KAZN: variants seen among roughly 807,000 people sequenced by gnomAD.
KAZN encodes the protein kazrin.
Under a neutral mutation model 87.4 loss-of-function variants are expected in KAZN, and 40 were observed. The ratio of observed to expected loss-of-function variants is 0.46; its 90% CI spans 0.36 to 0.60. The LOEUF (loss-of-function observed/expected upper bound fraction) is 0.60, where lower values mean the gene tolerates loss of function less well. Ranked by LOEUF, KAZN falls within the 20% of genes least tolerant of loss-of-function variation. The pLI is 0.00. For missense variants in KAZN, 898 were observed against 1,073.9 expected (o/e 0.84, Z 2.29); for synonymous variants, 466 against 458.3 (o/e 1.02, Z -0.22).
intron 2 of KAZN, among the ~76,000 whole-genome samples, chr1:14,447,358 C>T (rs1667043287): frequency 1.3e-5 from 2 of 151,678 alleles, no homozygotes; most frequent in African/African-American, 4.8e-5. Flanking sequence ...CCTGCCTCAG[C>T]CTCCCGAGTA....
intron 2 of KAZN, among the ~76,000 whole-genome samples, chr1:14,391,825 TA>T (rs1350970720): frequency 6.6e-6 from 1 of 152,216 alleles, no homozygotes; most frequent in African/African-American, 2.4e-5. Flanking sequence ...TTTCCCTTTT[TA>T]AAAAAATTTT....
At chr1:15,104,813 GGC>G (rs1310233877) in intron 13 of KAZN, among the ~76,000 whole-genome samples, 1 of 152,142 alleles carries the variant, frequency 6.6e-6, no homozygotes, top group Non-Finnish European at 1.5e-5. Flanking sequence ...TCATCCTCCT[GGC>G]AATGTCAAGA....
chr1:14,059,267 C>G (rs1481071942), intron 1 of KAZN, among the ~76,000 whole-genome samples: 1 of 152,206 alleles, frequency 6.6e-6, no homozygotes, highest in Non-Finnish European at 1.5e-5. Context: ...GTGGCTCAGT[C>G]TGAGTCCAAA....
chr1:14,910,982 C>T (rs980450679), intron 1 of KAZN, among the ~76,000 whole-genome samples: 16 of 152,218 alleles, frequency 1.1e-4, no homozygotes, highest in Admixed American at 7.9e-4. Context: ...GACCAAGCTT[C>T]CATCCCGGAG....
At chr1:14,369,212 G>A (rs553973699) in intron 2 of KAZN, among the ~76,000 whole-genome samples, 1 of 152,140 alleles carries the variant, frequency 6.6e-6, no homozygotes, top group Non-Finnish European at 1.5e-5. Context: ...AAATGTTCTC[G>A]ATTTTGTGTG....
chr1:14,851,616 G>A (rs879865382), intron 1 of KAZN, among the ~76,000 whole-genome samples: 1 of 152,172 alleles, frequency 6.6e-6, no homozygotes, highest in Admixed American at 6.5e-5. Context: ...TGAGGCCTTC[G>A]GGGTTACCAT....
At chr1:14,746,587 G>A (rs1288916036) in intron 1 of KAZN, among the ~76,000 whole-genome samples, 3 of 152,102 alleles carry the variant, frequency 2.0e-5, no homozygotes, top group Non-Finnish European at 2.9e-5. Flanking sequence ...AGTATCCAGA[G>A]GCCATTGACA....
At chr1:14,631,810 C>T (rs1430436665) in intron 1 of KAZN, among the ~76,000 whole-genome samples, 1 of 152,142 alleles carries the variant, frequency 6.6e-6, no homozygotes, top group African/African-American at 2.4e-5. Flanking sequence ...GTGAAATGTA[C>T]CTTTGGGGGT....
chr1:14,223,583 A>G (rs1647160302), intron 2 of KAZN, among the ~76,000 whole-genome samples: 3 of 152,032 alleles, frequency 2.0e-5, no homozygotes, highest in African/African-American at 4.8e-5. Context: ...CTTCTTCCTT[A>G]TGTTCTTTAG....
chr1:14,117,134 A>G (rs1272079345), intron 1 of KAZN, among the ~76,000 whole-genome samples: 1 of 152,114 alleles, frequency 6.6e-6, no homozygotes, highest in Non-Finnish European at 1.5e-5. Flanking sequence ...GAGTTAAGAC[A>G]TTGGGGAACT....
chr1:14,373,791 G>A (rs1660692473), intron 2 of KAZN, among the ~76,000 whole-genome samples: 1 of 152,114 alleles, frequency 6.6e-6, no homozygotes, highest in Admixed American at 6.6e-5. Context: ...ATGAAAAGAT[G>A]GCTTCAGATT....
intron 2 of KAZN, among the ~76,000 whole-genome samples, chr1:14,387,046 G>T (rs959261398): frequency 1.3e-5 from 2 of 151,790 alleles, no homozygotes; most frequent in Admixed American, 6.6e-5. Context: ...TTCCCTTCTC[G>T]CTTCATTTCA....
chr1:14,670,266 G>T (rs778437200), intron 1 of KAZN, among the ~76,000 whole-genome samples: 17 of 152,106 alleles, frequency 1.1e-4, no homozygotes, highest in Non-Finnish European at 2.2e-4. Flanking sequence ...CCTCCTGAAG[G>T]CATTTGTGTT....
chr1:14,070,185 A>AAAAAAAAAAAAAAG (rs1570664859), intron 1 of KAZN, among the ~76,000 whole-genome samples: 2 of 149,222 alleles, frequency 1.3e-5, no homozygotes, highest in East Asian at 4.0e-4. Context: ...AAAAAAGTAA[A>AAAAAAAAAAAAAAG]TAAATAAAAT....
chr1:14,472,865 G>A (rs1668528874), intron 2 of KAZN, among the ~76,000 whole-genome samples: 1 of 152,168 alleles, frequency 6.6e-6, no homozygotes, highest in Non-Finnish European at 1.5e-5. Flanking sequence ...TGCTATAGAA[G>A]AGATACAAAG....
chr1:14,191,196 T>C (rs1414807000), intron 2 of KAZN, among the ~76,000 whole-genome samples: 1 of 152,164 alleles, frequency 6.6e-6, no homozygotes, highest in African/African-American at 2.4e-5. Flanking sequence ...ATTTGAAATA[T>C]TACTCTGGAG....
At chr1:14,089,978 T>C (rs1186655350) in intron 1 of KAZN, among the ~76,000 whole-genome samples, 1 of 152,178 alleles carries the variant, frequency 6.6e-6, no homozygotes, top group Non-Finnish European at 1.5e-5. Context: ...AGTTTGTTGA[T>C]AATGTTTTCT....
intron 1 of KAZN, among the ~76,000 whole-genome samples, chr1:14,142,594 G>A (rs957842661): frequency 6.6e-6 from 1 of 152,242 alleles, no homozygotes; most frequent in Non-Finnish European, 1.5e-5. Context: ...AGACTCCTGA[G>A]TGAAGGAAGT....
At chr1:14,488,887 T>C (rs995093009) in intron 2 of KAZN, among the ~76,000 whole-genome samples, 1 of 152,220 alleles carries the variant, frequency 6.6e-6, no homozygotes, top group African/African-American at 2.4e-5. Flanking sequence ...TTTGACTTGA[T>C]GACTGTGTTT....
Sources: gnomAD v4.1 joint callset for allele counts (sites outside exome capture counted in the v4.1 genomes callset) on GRCh38, gnomAD v4.1.1 for gene constraint, MANE v1.5 for transcripts, NCBI Gene and HGNC (gene_info 2026-07-23, HGNC 2026-07-21) for gene names.